BMP5: variants seen among roughly 807,000 people sequenced by gnomAD.
BMP5 encodes bone morphogenetic protein 5.
In BMP5, 23 loss-of-function variants were observed where a neutral mutation model predicts 46.6. The ratio of observed to expected loss-of-function variants is 0.49; its 90% confidence interval spans 0.35 to 0.70. The LOEUF is 0.70. Ranked by LOEUF, BMP5 falls within the 30% of genes least tolerant of loss-of-function variation. The pLI, the probability that BMP5 is intolerant of heterozygous loss-of-function variation, is 0.00. For synonymous variants in BMP5, 204 were observed against 191.9 expected (o/e 1.06, Z -0.52); for missense variants, 545 against 565.6 (o/e 0.96, Z 0.37).
At chr6:55,765,689 T>C (rs967062120) in intron 4 of BMP5, among the ~76,000 whole-genome samples, 1 of 152,204 alleles carries the variant, frequency 6.6e-6, no homozygotes, top group African/African-American at 2.4e-5. Flanking sequence ...ACCCAGTGAA[T>C]TATTCACTTG....
intron 4 of BMP5, among the ~76,000 whole-genome samples, chr6:55,768,323 G>T: frequency 6.6e-6 from 1 of 151,924 alleles, no homozygotes; most frequent in East Asian, 1.9e-4. Context: ...TTAAATTGAT[G>T]ATGGTTTGAA....
At chr6:55,848,554 C>G (rs772918943) in intron 1 of BMP5, among the ~76,000 whole-genome samples, 7 of 151,918 alleles carry the variant, frequency 4.6e-5, no homozygotes, top group Non-Finnish European at 1.0e-4. Context: ...GCTGTAACCT[C>G]AGGGTTGAAA....
intron 4 of BMP5, among the ~76,000 whole-genome samples, 194 bp from the exon 5 acceptor site, chr6:55,760,727 C>T (rs950420162): frequency 6.6e-6 from 1 of 151,942 alleles, no homozygotes; most frequent in East Asian, 1.9e-4. Context: ...GTTTCTTCTT[C>T]TGTGAGATGT....
chr6:55,764,021 G>C (rs1774852004), intron 4 of BMP5, among the ~76,000 whole-genome samples: 1 of 152,126 alleles, frequency 6.6e-6, no homozygotes, highest in African/African-American at 2.4e-5. Context: ...TACACTGTTG[G>C]TGGAAATGTA....
intron 1 of BMP5, among the ~76,000 whole-genome samples, chr6:55,846,919 T>A (rs1467291966): frequency 6.6e-6 from 1 of 151,760 alleles, no homozygotes; most frequent in African/African-American, 2.4e-5. Flanking sequence ...TATTTTTCAA[T>A]GGTTTTCATT....
intron 1 of BMP5, among the ~76,000 whole-genome samples, chr6:55,869,565 G>T (rs1777731103): frequency 6.6e-6 from 1 of 152,092 alleles, no homozygotes; most frequent in Non-Finnish European, 1.5e-5. Context: ...AACAGGAATG[G>T]CATGTTTGAT....
chr6:55,790,730 T>C (rs1052145254), intron 3 of BMP5, among the ~76,000 whole-genome samples: 1 of 152,318 alleles, frequency 6.6e-6, no homozygotes, highest in African/African-American at 2.4e-5. Context: ...CATACTTCCA[T>C]GACTTCCCTT....
chr6:55,807,469 A>G (rs1776018060), intron 2 of BMP5, among the ~76,000 whole-genome samples: 1 of 152,160 alleles, frequency 6.6e-6, no homozygotes, highest in Non-Finnish European at 1.5e-5. Flanking sequence ...GTTTGCCAGT[A>G]TTTTATTGAG....
intron 3 of BMP5, 54 bp downstream of exon 3, chr6:55,794,225 C>A (rs1302624578): frequency 6.3e-7 from 1 of 1,592,982 alleles, no homozygotes; most frequent in Non-Finnish European, 8.6e-7. Context: ...AAAACGATAA[C>A]TCTCAATGTG....
At chr6:55,818,134 T>C (rs1393774942) in intron 2 of BMP5, among the ~76,000 whole-genome samples, 1 of 152,088 alleles carries the variant, frequency 6.6e-6, no homozygotes, top group East Asian at 1.9e-4. Context: ...CCTGCATATA[T>C]TCATATATTG....
chr6:55,761,170 A>T (rs1207817872), intron 4 of BMP5, among the ~76,000 whole-genome samples: 1 of 152,016 alleles, frequency 6.6e-6, no homozygotes, highest in Non-Finnish European at 1.5e-5. Context: ...CCAATCTGTC[A>T]GGAAATCTCA....
chr6:55,828,244 G>T (rs181870648), intron 1 of BMP5, among the ~76,000 whole-genome samples: 14 of 151,926 alleles, frequency 9.2e-5, no homozygotes, highest in African/African-American at 2.6e-4. Context: ...TTCTGAAATT[G>T]CTCAGTGCCT....
chr6:55,823,794 C>A (rs567904424), intron 1 of BMP5, among the ~76,000 whole-genome samples: 1 of 151,838 alleles, frequency 6.6e-6, no homozygotes, highest in Non-Finnish European at 1.5e-5. Context: ...TCAGTTCATT[C>A]TTTTAGAACA....
intron 1 of BMP5, among the ~76,000 whole-genome samples, chr6:55,837,472 T>C (rs1436422748): frequency 6.6e-6 from 1 of 152,152 alleles, no homozygotes; most frequent in Non-Finnish European, 1.5e-5. Context: ...CTTTTAAATC[T>C]GTTTCATTAA....
Position 55,755,490 on chromosome 6 carries a change from A to G in BMP5, c.*43T>C. ...AGTATGCTTTTTATTGCAGCCATAA[A>G]CCTTAATACAGATCTTTTTGTTATT... is the stretch of plus-strand genomic sequence containing the variant. On this transcript the variant is annotated 3_prime_UTR_variant, in exon 7 of 7. Coordinates refer to ENST00000370830, the MANE Select transcript of BMP5 (RefSeq NM_021073.4). 1 of 1,564,458 alleles carries G rather than the reference A, an allele frequency of 6.4e-7. No homozygotes were observed. The highest frequency in any genetic ancestry group is 1.4e-5 in the African/African-American group (1 of 73,320).
At chr6:55,831,087 A>G (rs1488746201) in intron 1 of BMP5, among the ~76,000 whole-genome samples, 1 of 152,132 alleles carries the variant, frequency 6.6e-6, no homozygotes, top group Non-Finnish European at 1.5e-5. Flanking sequence ...CTGAATGCTA[A>G]ATTCCCGGCT....
At chr6:55,858,263 T>C (rs1029548977) in intron 1 of BMP5, among the ~76,000 whole-genome samples, 7 of 152,164 alleles carry the variant, frequency 4.6e-5, no homozygotes, top group African/African-American at 1.7e-4. Flanking sequence ...CAATTACCTA[T>C]AGGATGACTT....
intron 2 of BMP5, among the ~76,000 whole-genome samples, chr6:55,796,154 G>A (rs1360783092): frequency 6.6e-6 from 1 of 152,142 alleles, no homozygotes; most frequent in Non-Finnish European, 1.5e-5. Flanking sequence ...ATACTTGAGT[G>A]CTACACTGAT....
intron 1 of BMP5, among the ~76,000 whole-genome samples, chr6:55,839,810 CT>C (rs369962326): frequency 1.2e-4 from 18 of 151,920 alleles, no homozygotes; most frequent in East Asian, 7.7e-4. Flanking sequence ...CCTTTTCAGA[CT>C]TTTTTTTGCC....
Sources: gnomAD v4.1 joint callset for allele counts (sites outside exome capture counted in the v4.1 genomes callset) on GRCh38, gnomAD v4.1.1 for gene constraint, MANE v1.5 for transcripts, NCBI Gene and HGNC (gene_info 2026-07-23, HGNC 2026-07-21) for gene names.